The following BICD1 variants were observed in gnomAD, a reference collection of about 807,000 sequenced individuals.
BICD1 encodes BICD cargo adaptor 1, also known as protein bicaudal D homolog 1.
A neutral mutation model predicts 92.5 loss-of-function variants in BICD1; 35 were observed. The ratio of observed to expected loss-of-function variants is 0.38; its 90% CI spans 0.29 to 0.50. BICD1 has a LOEUF of 0.50. Ranked by LOEUF, BICD1 falls within the 20% of genes least tolerant of loss-of-function variation. BICD1 has a pLI of 0.93. For synonymous variants in BICD1, 429 were observed against 465.1 expected, an observed-to-expected ratio of 0.92 and a Z score of 1.00; for missense variants, 950 against 1,189.8, an observed-to-expected ratio of 0.80 and a Z score of 2.97.
chr12:32,197,660 G>C (rs1944764153), intron 1 of BICD1, among the ~76,000 whole-genome samples: 2 of 152,150 alleles, frequency 1.3e-5, no homozygotes, highest in Non-Finnish European at 2.9e-5. Context: ...TATTCTGCAA[G>C]AAATAGATTA....
At chr12:32,325,268 C>T (rs1368694224) in intron 4 of BICD1, among the ~76,000 whole-genome samples, 1 of 152,114 alleles carries the variant, frequency 6.6e-6, no homozygotes, top group African/African-American at 2.4e-5. Context: ...GACAAGGCAA[C>T]TACATCCTTA....
intron 1 of BICD1, among the ~76,000 whole-genome samples, chr12:32,207,979 T>C (rs1261139034): frequency 1.3e-5 from 2 of 152,222 alleles, no homozygotes; most frequent in Non-Finnish European, 2.9e-5. Context: ...AGCTTGCCAG[T>C]GTTCAATCTG....
chr12:32,109,733 A>G (rs1941617883), intron 1 of BICD1: 1 of 152,020 alleles, frequency 6.6e-6, no homozygotes, highest in Admixed American at 6.6e-5. Flanking sequence ...TGATTATTTG[A>G]TAGTGAGGCC....
intron 1 of BICD1, among the ~76,000 whole-genome samples, chr12:32,211,291 G>A (rs929961387): frequency 2.0e-5 from 3 of 152,148 alleles, no homozygotes; most frequent in Non-Finnish European, 2.9e-5. Context: ...GAAGGGCCAA[G>A]TTCTTCATAA....
At chr12:32,269,472 C>T (rs1041888208) in intron 2 of BICD1, among the ~76,000 whole-genome samples, 1 of 151,992 alleles carries the variant, frequency 6.6e-6, no homozygotes, top group African/African-American at 2.4e-5. Flanking sequence ...TCTCCATATG[C>T]AAAAAAGCAT....
intron 1 of BICD1, among the ~76,000 whole-genome samples, chr12:32,209,550 A>G (rs1327603460): frequency 1.3e-5 from 2 of 152,210 alleles, no homozygotes; most frequent in African/African-American, 4.8e-5. Flanking sequence ...CCACTAGCCA[A>G]CCCTTTTCTT....
At chr12:32,120,901 A>G (rs867662791) in intron 1 of BICD1, among the ~76,000 whole-genome samples, 67 of 151,530 alleles carry the variant, frequency 4.4e-4, no homozygotes, top group African/African-American at 1.5e-3. Context: ...GAGAGAAAAA[A>G]AAAAGGAAAA....
rs1366192386 is a variant in BICD1 at position 32,381,285 on chromosome 12, T to C, written c.*3658T>C. 1 of 152,102 alleles carries C rather than the reference T, an allele frequency of 6.6e-6. No homozygotes were observed. The highest frequency in any genetic ancestry group is 2.4e-5 in the African/African-American group (1 of 41,442). The allele number at this position is 152,102 out of a possible 1,614,324, so 9.4% of individuals were successfully genotyped here. On this transcript the variant is annotated 3_prime_UTR_variant, in exon 10 of 10. Transcript: ENST00000652176. ...GACTTTTACTAAAAAAATTCAATTG[T>C]CAGAGTCTAAAAAAACAATGTCCTC...
intron 2 of BICD1, among the ~76,000 whole-genome samples, chr12:32,229,525 T>A (rs1448168157): frequency 6.6e-6 from 1 of 152,178 alleles, no homozygotes; most frequent in Non-Finnish European, 1.5e-5. Context: ...ACAGTGCGGA[T>A]GCTGCTAATA....
intron 1 of BICD1, among the ~76,000 whole-genome samples, chr12:32,135,827 C>G (rs1266211806): frequency 6.6e-6 from 1 of 152,014 alleles, no homozygotes; most frequent in Non-Finnish European, 1.5e-5. Context: ...TGAGTTTTGA[C>G]TTTTGATTGA....
intron 9 of BICD1, among the ~76,000 whole-genome samples, chr12:32,372,657 T>C (rs1374722468): frequency 2.0e-5 from 3 of 152,166 alleles, no homozygotes; most frequent in African/African-American, 7.2e-5. Context: ...GGTGGGAAGA[T>C]TGCTTGAGCC....
rs12317357 is a variant in BICD1, at chr12:32,180,645, G to T, written c.214-35602G>T. Among the ~76,000 whole-genome samples, 3 of 151,846 alleles carry T rather than the reference G, an allele frequency of 2.0e-5. No individual in the cohort carries two copies. In the East Asian group the frequency reaches 5.8e-4, roughly 29 times the overall value. On this transcript the variant is annotated intron_variant, in intron 1 of 9. Transcript: ENST00000652176. ...CTCCCAGCTCTGGTCTTGTCAGGTT[G>T]CATTTTTCTCCTAACCTTCTTCTTT...
At chr12:32,343,718 A>G (rs111529823) in intron 8 of BICD1, among the ~76,000 whole-genome samples, 88 of 152,244 alleles carry the variant, frequency 5.8e-4, no homozygotes, top group African/African-American at 2.0e-3. Flanking sequence ...CTAGTTTAAG[A>G]GAATGGTATT....
At chr12:32,188,732 CTTT>C (rs112355174) in intron 1 of BICD1, among the ~76,000 whole-genome samples, 1 of 144,168 alleles carries the variant, frequency 6.9e-6, no homozygotes. Context: ...TCTTGAATTC[CTTT>C]TTTTTTTTTT....
chr12:32,300,165 G>C (rs879705067), intron 3 of BICD1, among the ~76,000 whole-genome samples: 6 of 151,528 alleles, frequency 4.0e-5, no homozygotes, highest in Admixed American at 3.9e-4. Flanking sequence ...GCAATGGTGC[G>C]ATCTCAGCTC....
intron 1 of BICD1, among the ~76,000 whole-genome samples, chr12:32,159,586 G>T (rs942591366): frequency 6.6e-6 from 1 of 152,128 alleles, no homozygotes; most frequent in African/African-American, 2.4e-5. Context: ...GGTCCCAAAG[G>T]AACGTTCTGG....
chr12:32,303,189 A>G (rs532346821), intron 3 of BICD1, among the ~76,000 whole-genome samples: 1 of 152,166 alleles, frequency 6.6e-6, no homozygotes, highest in South Asian at 2.1e-4. Flanking sequence ...CCGAGATTAC[A>G]GGCCTGAGAT....
chr12:32,343,518 C>T (rs1006672150), intron 8 of BICD1, among the ~76,000 whole-genome samples: 2 of 152,132 alleles, frequency 1.3e-5, no homozygotes, highest in African/African-American at 2.4e-5. Flanking sequence ...AAATGGCAAA[C>T]CTGGGGAAGC....
At chr12:32,263,530 T>G (rs1442735321) in intron 2 of BICD1, among the ~76,000 whole-genome samples, 1 of 145,264 alleles carries the variant, frequency 6.9e-6, no homozygotes, top group Non-Finnish European at 1.5e-5. Flanking sequence ...TGGGTGACAG[T>G]GAGACTCCAT....
Sources: allele counts gnomAD v4.1 joint callset (sites outside exome capture counted in the v4.1 genomes callset), GRCh38; gene constraint gnomAD v4.1.1; transcripts MANE v1.5; gene names NCBI Gene and HGNC (gene_info 2026-07-23, HGNC 2026-07-21).